Variants in SLC1A1 observed in about 807,000 individuals in gnomAD.
The protein encoded by SLC1A1 is excitatory amino acid transporter 3.
SLC1A1 carries 43 observed loss-of-function variants against 53.3 expected under a neutral mutation model. The ratio of observed to expected loss-of-function variants is 0.81; its 90% confidence interval spans 0.63 to 1.04. The LOEUF (loss-of-function observed/expected upper bound fraction) is 1.04, where lower values mean the gene tolerates loss of function less well. SLC1A1 is among the 50% of genes least tolerant of loss of function. The pLI, the probability that SLC1A1 is intolerant of heterozygous loss-of-function variation, is 0.00. For missense variants in SLC1A1, 748 were observed against 664.9 expected, an observed-to-expected ratio of 1.12 and a Z score of -1.37; for synonymous variants, 307 against 243.2, an observed-to-expected ratio of 1.26 and a Z score of -2.44.
intron 1 of SLC1A1, among the ~76,000 whole-genome samples, chr9:4,543,771 T>C (rs952926106): frequency 1.3e-5 from 2 of 152,224 alleles, no homozygotes; most frequent in African/African-American, 4.8e-5. Flanking sequence ...TAGGCTATTA[T>C]ATTCCTATTA....
At chr9:4,578,463 A>T (rs766134443) in intron 10 of SLC1A1, among the ~76,000 whole-genome samples, 4 of 152,160 alleles carry the variant, frequency 2.6e-5, no homozygotes, top group Non-Finnish European at 5.9e-5. Flanking sequence ...AGAGAAGGAG[A>T]TTAAGGACTG....
At chr9:4,561,370 A>T in intron 2 of SLC1A1, 79 bp from the exon 3 acceptor site, 1 of 892,796 alleles carries the variant, frequency 1.1e-6, no homozygotes. Flanking sequence ...TCTTTATTTC[A>T]CAACCTGAGG....
chr9:4,490,837 G>C, intron 1 of SLC1A1, 67 bp downstream of exon 1: 1 of 1,368,508 alleles, frequency 7.3e-7, no homozygotes, highest in South Asian at 1.2e-5. Context: ...GCCGCGTGCG[G>C]CTGAGGGTGG....
At chr9:4,525,758 A>G (rs10119456) in intron 1 of SLC1A1, among the ~76,000 whole-genome samples, 145,579 of 152,214 alleles carry the variant, frequency 0.96, 69,925 homozygotes, top group East Asian at 1. Flanking sequence ...GAAACTGCAA[A>G]ATAGGTGTGA....
chr9:4,580,601 A>ATGTGTG (rs71326118), intron 10 of SLC1A1, among the ~76,000 whole-genome samples: 1,460 of 69,570 alleles, frequency 0.021, 33 homozygotes, highest in South Asian at 0.032. Flanking sequence ...AAAAATATAT[A>ATGTGTG]TGTGTGTGTG....
intron 1 of SLC1A1, among the ~76,000 whole-genome samples, chr9:4,525,885 A>C (rs1564007810): frequency 6.6e-6 from 1 of 152,226 alleles, no homozygotes; most frequent in East Asian, 1.9e-4. Context: ...TTACAGTTCA[A>C]AGAAAAAAAT....
chr9:4,585,281 C>G (rs768474956), intron 11 of SLC1A1, 31 bp from the exon 12 acceptor site: 1 of 1,612,350 alleles, frequency 6.2e-7, no homozygotes, highest in South Asian at 1.1e-5. Context: ...AAATCTGGGC[C>G]TCCTGTCTGA....
At chr9:4,522,812 C>CCA (rs1319261691) in intron 1 of SLC1A1, among the ~76,000 whole-genome samples, 2 of 152,114 alleles carry the variant, frequency 1.3e-5, no homozygotes, top group Admixed American at 1.3e-4. Context: ...TGGGAGACCC[C>CCA]CACCTCCATG....
chr9:4,548,383 C>G (rs904430957), intron 2 of SLC1A1, among the ~76,000 whole-genome samples: 4 of 152,220 alleles, frequency 2.6e-5, no homozygotes, highest in African/African-American at 7.2e-5. Context: ...AGGTGGGAAG[C>G]TGAGGAGGGT....
chr9:4,565,944 C>A, intron 4 of SLC1A1, 103 bp from the exon 5 acceptor site: 1 of 903,940 alleles, frequency 1.1e-6, no homozygotes, highest in Non-Finnish European at 1.9e-6. Context: ...GAAGAGAAAC[C>A]AGAGTACTAG....
intron 6 of SLC1A1, among the ~76,000 whole-genome samples, chr9:4,568,284 G>A (rs1819676079): frequency 6.6e-6 from 1 of 151,900 alleles, no homozygotes; most frequent in Non-Finnish European, 1.5e-5. Flanking sequence ...CGGGTGTGAT[G>A]GTGCACACCT....
rs1819290745 is a variant in SLC1A1, at chr9:4,564,454, A to G, written c.436A>G (p.Ile146Val). ...TACGGTGGATGCCATGTTAGATCTC[A>G]TCAGGTGAGTGTTTTGCCACAAGGT... ...VSTVDAMLDL[I>V]RNMFPENLVQ... Residue 146 changes from isoleucine (I) to valine (V), a missense_variant, in exon 4 of 12, where the codon ATC (isoleucine) becomes GTC (valine). Coordinates refer to ENST00000262352, the MANE Select transcript of SLC1A1 (RefSeq NM_004170.6). 1.3e-6 allele frequency: 2 copies of G among 1,555,966 alleles called. No homozygotes were observed. Among genetic ancestry groups the G allele is most frequent in the Middle Eastern group, 1.7e-4 (1 of 5,928 alleles).
chr9:4,533,039 G>T (rs1457328884), intron 1 of SLC1A1, among the ~76,000 whole-genome samples: 1 of 152,162 alleles, frequency 6.6e-6, no homozygotes, highest in Non-Finnish European at 1.5e-5. Context: ...CACTAGGCCT[G>T]CCTTACAAGA....
chr9:4,531,943 G>C (rs1197272520), intron 1 of SLC1A1, among the ~76,000 whole-genome samples: 1 of 152,198 alleles, frequency 6.6e-6, no homozygotes, highest in Non-Finnish European at 1.5e-5. Context: ...CACAGGCAAA[G>C]AGGGTCTGGA....
intron 1 of SLC1A1, among the ~76,000 whole-genome samples, chr9:4,537,598 T>TAAAAAAAAA (rs552005556): frequency 8.0e-6 from 1 of 124,990 alleles, no homozygotes; most frequent in Non-Finnish European, 1.7e-5. Context: ...TAAAATAAAA[T>TAAAAAAAAA]AAAAAAAAAA....
At chr9:4,513,578 G>A (rs891742281) in intron 1 of SLC1A1, among the ~76,000 whole-genome samples, 2 of 152,128 alleles carry the variant, frequency 1.3e-5, no homozygotes, top group Non-Finnish European at 2.9e-5. Flanking sequence ...GGAGCAACTG[G>A]TACTATTAAA....
At chr9:4,516,590 T>C (rs1480695245) in intron 1 of SLC1A1, among the ~76,000 whole-genome samples, 1 of 152,210 alleles carries the variant, frequency 6.6e-6, no homozygotes, top group East Asian at 1.9e-4. Context: ...TCCAATCCCA[T>C]GGGCTTCACT....
rs560076996 is a variant in SLC1A1 at position 4,511,453 on chromosome 9, T to A, written c.91+20683T>A. Among the ~76,000 whole-genome samples, 4 of 152,096 alleles carry A rather than the reference T, an allele frequency of 2.6e-5. No individual in the cohort carries two copies. The East Asian group carries it at 7.7e-4, about 29-fold the overall frequency. On this transcript the variant is annotated intron_variant, in intron 1 of 11. Transcript: ENST00000262352. ...TCAAGGGCCCCACCTTCTAACACCA[T>A]CACATTGATGATTAGGTTTCAAAAT...
chr9:4,553,216 T>C (rs566417364), intron 2 of SLC1A1, among the ~76,000 whole-genome samples: 15 of 152,272 alleles, frequency 9.9e-5, no homozygotes, highest in African/African-American at 3.4e-4. Context: ...TTAATGCTTT[T>C]ACTGGACAAT....
Sources: allele counts gnomAD v4.1 joint callset (sites outside exome capture counted in the v4.1 genomes callset), GRCh38; gene constraint gnomAD v4.1.1; transcripts MANE v1.5; gene names NCBI Gene and HGNC (gene_info 2026-07-23, HGNC 2026-07-21).